The following AKAP19 variants were observed in gnomAD, a reference collection of about 807,000 sequenced individuals.
AKAP19 encodes the protein small A-kinase anchoring protein.
At chr2:189,951,194 CTTTTTTTTTTT>C in the AKAP19 span, among the ~76,000 whole-genome samples, 6 of 60,430 alleles carry the variant, frequency 9.9e-5, no homozygotes, top group East Asian at 5.9e-4. Flanking sequence ...CTGAATCCTC[CTTTTTTTTTTT>C]TTTTTTTTTT....
the AKAP19 span, among the ~76,000 whole-genome samples, chr2:190,191,871 C>T: frequency 6.6e-6 from 1 of 151,436 alleles, no homozygotes; most frequent in Non-Finnish European, 1.5e-5. Flanking sequence ...CATTTATTGG[C>T]TAGATGATGA....
the AKAP19 span, among the ~76,000 whole-genome samples, chr2:190,134,113 T>A: frequency 6.6e-6 from 1 of 152,140 alleles, no homozygotes; most frequent in African/African-American, 2.4e-5. Context: ...TGTGAATTTT[T>A]AAAAAATAGT....
the AKAP19 span, among the ~76,000 whole-genome samples, chr2:190,095,034 C>T: frequency 6.6e-6 from 1 of 152,126 alleles, no homozygotes; most frequent in African/African-American, 2.4e-5. Context: ...ACCAGCCTGA[C>T]CAATATGGTG....
At chr2:189,961,477 C>T in the AKAP19 span, among the ~76,000 whole-genome samples, 3 of 152,234 alleles carry the variant, frequency 2.0e-5, no homozygotes, top group East Asian at 1.9e-4. Context: ...CTAAAAGATA[C>T]ACCATTCCTG....
chr2:190,022,258 G>A, the AKAP19 span, among the ~76,000 whole-genome samples: 3 of 152,062 alleles, frequency 2.0e-5, no homozygotes, highest in East Asian at 5.8e-4. Flanking sequence ...CGAATTGAGA[G>A]AACTATCTAC....
At chr2:189,915,895 TTTAA>T in the AKAP19 span, among the ~76,000 whole-genome samples, 4 of 152,280 alleles carry the variant, frequency 2.6e-5, no homozygotes, top group East Asian at 5.8e-4. Context: ...TTTTGCTCAA[TTTAA>T]TTAGCTATTC....
At chr2:190,136,728 CTG>C in the AKAP19 span, among the ~76,000 whole-genome samples, 39,720 of 151,946 alleles carry the variant, frequency 0.26, 5,360 homozygotes, top group Admixed American at 0.36. Flanking sequence ...CCACATTTAA[CTG>C]TGAGAAATAG....
chr2:190,093,514 G>A, the AKAP19 span, among the ~76,000 whole-genome samples: 1 of 152,080 alleles, frequency 6.6e-6, no homozygotes, highest in Non-Finnish European at 1.5e-5. Context: ...AACATTGTTG[G>A]GTGACTTATA....
chr2:190,001,095 T>C, the AKAP19 span, among the ~76,000 whole-genome samples: 1 of 152,218 alleles, frequency 6.6e-6, no homozygotes, highest in African/African-American at 2.4e-5. Flanking sequence ...CTTGAATATG[T>C]TGGTGAGCTC....
chr2:190,089,251 CATTT>C, the AKAP19 span, among the ~76,000 whole-genome samples: 13 of 152,056 alleles, frequency 8.5e-5, no homozygotes, highest in South Asian at 1.5e-3. Context: ...TGATTCTTTT[CATTT>C]ATTTATTTAT....
the AKAP19 span, among the ~76,000 whole-genome samples, chr2:189,971,970 GA>G: frequency 2.0e-5 from 3 of 151,984 alleles, no homozygotes; most frequent in Non-Finnish European, 4.4e-5. Context: ...TTGCTGTGCA[GA>G]AGCTCTTTAG....
chr2:190,073,242 A>G, the AKAP19 span, among the ~76,000 whole-genome samples: 3 of 152,218 alleles, frequency 2.0e-5, no homozygotes, highest in African/African-American at 4.8e-5. Flanking sequence ...TAGATTTTCC[A>G]GAAAAAAACA....
At chr2:190,065,781 G>A in the AKAP19 span, among the ~76,000 whole-genome samples, 1 of 152,142 alleles carries the variant, frequency 6.6e-6, no homozygotes, top group South Asian at 2.1e-4. Context: ...TGAATAGGGA[G>A]AATTGACTAT....
chr2:190,190,677 A>G, the AKAP19 span, among the ~76,000 whole-genome samples: 11 of 152,310 alleles, frequency 7.2e-5, no homozygotes, highest in African/African-American at 2.6e-4. Flanking sequence ...CCAGCAATAT[A>G]TGCGTTGCAT....
chr2:190,024,355 T>C, the AKAP19 span, among the ~76,000 whole-genome samples: 1 of 149,576 alleles, frequency 6.7e-6, no homozygotes, highest in African/African-American at 2.5e-5. Flanking sequence ...TGTGTGTATA[T>C]CTATACACAC....
the AKAP19 span, among the ~76,000 whole-genome samples, chr2:189,980,454 C>G: frequency 6.6e-6 from 1 of 152,168 alleles, no homozygotes; most frequent in South Asian, 2.1e-4. Flanking sequence ...CATGCCTCAG[C>G]CTTCCGAGTA....
At chr2:190,056,185 C>A in the AKAP19 span, 1 of 152,452 alleles carries the variant, frequency 6.6e-6, no homozygotes, top group Non-Finnish European at 1.5e-5. Flanking sequence ...AGTTGCTTTT[C>A]TGTGATGCAT....
chr2:189,892,409 T>C, the AKAP19 span, among the ~76,000 whole-genome samples: 2 of 152,224 alleles, frequency 1.3e-5, no homozygotes, highest in East Asian at 3.9e-4. Context: ...GACTTTCGGG[T>C]GCGGTTTCTG....
At chr2:190,175,671 G>A in the AKAP19 span, among the ~76,000 whole-genome samples, 1 of 152,192 alleles carries the variant, frequency 6.6e-6, no homozygotes, top group South Asian at 2.1e-4. Context: ...TCCACATAAG[G>A]AAGATAATGT....
Sources: gnomAD v4.1 joint callset for allele counts (sites outside exome capture counted in the v4.1 genomes callset) on GRCh38, gnomAD v4.1.1 for gene constraint, MANE v1.5 for transcripts, NCBI Gene and HGNC (gene_info 2026-07-23, HGNC 2026-07-21) for gene names.